EPHA10: variants seen among roughly 807,000 people sequenced by gnomAD.
EPHA10 encodes EPH receptor A10, also known as ephrin type-A receptor 10.
In EPHA10, 120 loss-of-function variants were observed where a neutral mutation model predicts 109.7. The observed-to-expected ratio is 1.09, with a 90% CI of 0.94 to 1.27. The LOEUF (loss-of-function observed/expected upper bound fraction) is 1.27, where lower values mean the gene tolerates loss of function less well. Ranked by LOEUF, EPHA10 falls within the 50% of genes most tolerant of loss-of-function variation. EPHA10 has a pLI of 0.00. For synonymous variants in EPHA10, 640 were observed against 618.9 expected, an observed-to-expected ratio of 1.03 and a Z score of -0.51; for missense variants, 1,396 against 1,411.1, an observed-to-expected ratio of 0.99 and a Z score of 0.17.
In EPHA10 at chr1:37,754,065, G is replaced by A. The variant is rs889861284; in HGVS notation, c.1006+150C>T. ...GGGCGCGTCCAGGCTCCGCTCCCCC[G>A]TACGCCGCCTTCCGGGGCGCTGGCC... On this transcript the variant is annotated intron_variant, in intron 4 of 16. Transcript: ENST00000373048. The surrounding 1 kb of genome is among the most constrained non-coding windows in gnomAD (Gnocchi z 4.5). The A allele has an allele frequency of 1.5e-4, 138 of 912,992 alleles. No homozygotes were observed. Among genetic ancestry groups the A allele is most frequent in the Non-Finnish European group, 1.9e-4 (133 of 695,304 alleles). The allele number at this position is 912,992 out of a possible 1,614,324, so 56.6% of individuals were successfully genotyped here. A position where few individuals can be genotyped will look rare whatever the true frequency, so the allele number is the denominator to read the frequency against.
intron 14 of EPHA10, 104 bp from the exon 15 acceptor site, chr1:37,719,711 C>T: frequency 7.1e-7 from 1 of 1,415,210 alleles, no homozygotes; most frequent in Non-Finnish European, 9.8e-7. Context: ...CACACACACA[C>T]ATGCGCACAC....
intron 6 of EPHA10, among the ~76,000 whole-genome samples, chr1:37,734,180 T>C (rs1214967123): frequency 1.3e-5 from 2 of 152,218 alleles, no homozygotes; most frequent in African/African-American, 4.8e-5. Flanking sequence ...TTCACTTCAG[T>C]GAATATAATT....
chr1:37,744,127 A>G (rs1194434652), intron 5 of EPHA10, among the ~76,000 whole-genome samples: 3 of 152,222 alleles, frequency 2.0e-5, no homozygotes, highest in Non-Finnish European at 4.4e-5. Context: ...AAACACAGAA[A>G]TGTTAACCTT....
chr1:37,716,290 G>C lies in EPHA10; in HGVS notation c.*2082C>G, dbSNP rs1433542901. 3.9e-6 allele frequency: 1 copy of C among 253,394 alleles called. No homozygotes were observed. The highest frequency in any genetic ancestry group is 5.6e-5 in the Admixed American group (1 of 17,972). 15.7% of individuals were successfully genotyped at this position (253,394 alleles called of 1,614,324 possible). ...CGAAGTCCTGCCAACACAGCCAGGG[G>C]CCCTTCTGCAGAAACAGCTGGGGTA... On this transcript the variant is annotated 3_prime_UTR_variant, in exon 17 of 17. Coordinates refer to ENST00000373048, the MANE Select transcript of EPHA10 (RefSeq NM_001099439.2).
chr1:37,753,855 C>A (rs34460490), intron 4 of EPHA10, among the ~76,000 whole-genome samples: 4 of 151,410 alleles, frequency 2.6e-5, no homozygotes, highest in African/African-American at 9.7e-5. Flanking sequence ...CCGAGGATGG[C>A]AGCATGGGGA....
chr1:37,715,777 C>A, downstream of EPHA10: 4 of 420,822 alleles, frequency 9.5e-6, no homozygotes, highest in South Asian at 2.0e-5. Context: ...GCACCCAGTT[C>A]CCCTCGGTAC....
intron 8 of EPHA10, among the ~76,000 whole-genome samples, chr1:37,724,026 G>T (rs573205540): frequency 6.6e-6 from 1 of 152,270 alleles, no homozygotes; most frequent in Non-Finnish European, 1.5e-5. Flanking sequence ...CCCCTGTGGG[G>T]TTGAAGCAGA....
intron 5 of EPHA10, among the ~76,000 whole-genome samples, chr1:37,743,205 G>A (rs1322183651): frequency 6.6e-6 from 1 of 152,036 alleles, no homozygotes; most frequent in Non-Finnish European, 1.5e-5. Context: ...TTCAGAATAA[G>A]AGAATAGGAA....
intron 3 of EPHA10, among the ~76,000 whole-genome samples, chr1:37,759,643 T>A (rs1646415669): frequency 6.6e-6 from 1 of 152,092 alleles, no homozygotes; most frequent in South Asian, 2.1e-4. Flanking sequence ...AAGTTCCTAA[T>A]CTAGGGTGTG....
chr1:37,763,965 GAGAAGCTT>G (rs1646454859), intron 1 of EPHA10, among the ~76,000 whole-genome samples: 1 of 152,134 alleles, frequency 6.6e-6, no homozygotes, highest in Admixed American at 6.5e-5. Context: ...CTTCCTACCA[GAGAAGCTT>G]GAAGTCCCTT....
chr1:37,721,594 C>G, intron 11 of EPHA10, 66 bp downstream of exon 11: 1 of 1,495,328 alleles, frequency 6.7e-7, no homozygotes, highest in Non-Finnish European at 9.0e-7. Context: ...CTCCAAACTC[C>G]CACACCATCA....
Position 37,752,865 on chromosome 1 carries a change from G to A in EPHA10, c.1357+11C>T, listed in dbSNP as rs547132185. The A allele has an allele frequency of 1.3e-4, 165 of 1,260,198 alleles. No homozygotes were observed. The African/African-American group carries it at 2.2e-3, about 17-fold the overall frequency. The allele number at this position is 1,260,198 out of a possible 1,614,324, so 78.1% of individuals were successfully genotyped here. Reference sequence around the variant, plus strand: ...CGGTGGCCTCGGGGTGGGGGGCGCGGACGGCCTTACCCCCGGGCCCGGTGG... The same window carrying A: ...CGGTGGCCTCGGGGTGGGGGGCGCGAACGGCCTTACCCCCGGGCCCGGTGG... On this transcript the variant is annotated intron_variant, in intron 5 of 16. Coordinates refer to ENST00000373048, the MANE Select transcript of EPHA10 (RefSeq NM_001099439.2).
chr1:37,726,978 A>C (rs980509291), intron 8 of EPHA10, 124 bp downstream of exon 8: 10 of 656,230 alleles, frequency 1.5e-5, no homozygotes, highest in Middle Eastern at 2.6e-4. Context: ...ACATTTGTAC[A>C]GCAGTGTGCT....
intron 5 of EPHA10, among the ~76,000 whole-genome samples, chr1:37,744,243 G>C (rs1183052074): frequency 6.6e-6 from 1 of 152,082 alleles, no homozygotes; most frequent in Non-Finnish European, 1.5e-5. Context: ...GCCGGGCACA[G>C]TGGTTCACTC....
Position 37,735,383 on chromosome 1 carries a change from C to A in EPHA10, c.1365G>T (p.Trp455Cys), listed in dbSNP as rs1350905397. ...VTVSTGPGAPWEEDEIRRDRV... is the reference protein window; with the variant it reads ...VTVSTGPGAPCEEDEIRRDRV... Reference sequence around the variant, plus strand: ...GGTCCCTGCGGATCTCATCCTCCTCCCAGGGCGCTGAAAGTAAGTTACGTG... The same window carrying A: ...GGTCCCTGCGGATCTCATCCTCCTCACAGGGCGCTGAAAGTAAGTTACGTG... Residue 455 changes from tryptophan (W) to cysteine (C), a missense_variant, in exon 6 of 17, where the codon TGG (tryptophan) becomes TGT (cysteine). By Grantham distance (215) the Trp-to-Cys change is radical. Coordinates refer to ENST00000373048, the MANE Select transcript of EPHA10 (RefSeq NM_001099439.2). 1.9e-6 allele frequency: 3 copies of A among 1,581,296 alleles called. No individual in the cohort carries two copies. Among genetic ancestry groups the A allele is most frequent in the Admixed American group, 1.8e-5 (1 of 54,718 alleles).
chr1:37,741,296 T>C (rs902100469), intron 5 of EPHA10, among the ~76,000 whole-genome samples: 10 of 152,158 alleles, frequency 6.6e-5, no homozygotes, highest in African/African-American at 2.4e-4. Flanking sequence ...CAGAGTAAGA[T>C]GATGATTCAA....
Position 37,718,284 on chromosome 1 carries a change from C to A in EPHA10, c.*88G>T. The A allele has an allele frequency of 8.6e-7, 1 of 1,166,654 alleles. No individual in the cohort carries two copies. Among genetic ancestry groups the A allele is most frequent in the Non-Finnish European group, 1.2e-6 (1 of 810,894 alleles). 72.3% of individuals were successfully genotyped at this position (1,166,654 alleles called of 1,614,324 possible). On this transcript the variant is annotated 3_prime_UTR_variant, in exon 17 of 17. Coordinates refer to ENST00000373048, the MANE Select transcript of EPHA10 (RefSeq NM_001099439.2). ...GAGGAAGAGAGCGCTCCCTCCCACA[C>A]TGCTGGAGCGCAGCTTGCCACGGTC...
chr1:37,719,522 C>A lies in EPHA10; in HGVS notation c.2648G>T (p.Trp883Leu), dbSNP rs767237675. ...NLLHRLMLDC[W>L]QKDPGERPRF... ...GGGCCGCTCACCTGGGTCCTTCTGCCAGCAGTCGAGCATTAGTCGGTGCAG... is the reference window on the plus strand; with the variant it reads ...GGGCCGCTCACCTGGGTCCTTCTGCAAGCAGTCGAGCATTAGTCGGTGCAG... The change falls in exon 15 of 17, where the codon TGG (tryptophan) becomes TTG (leucine). Residue 883 changes from tryptophan (W) to leucine (L), a missense_variant. Trp to Leu is a moderately conservative substitution (Grantham distance 61). Coordinates refer to ENST00000373048, the MANE Select transcript of EPHA10 (RefSeq NM_001099439.2). The A allele has an allele frequency of 4.3e-6, 7 of 1,614,012 alleles. No homozygotes were observed. Among genetic ancestry groups the A allele is most frequent in the Non-Finnish European group, 5.9e-6 (7 of 1,180,010 alleles).
At chr1:37,762,970 T>C in intron 1 of EPHA10, 121 bp from the exon 2 acceptor site, 1 of 935,644 alleles carries the variant, frequency 1.1e-6, no homozygotes, top group Non-Finnish European at 1.6e-6. Context: ...ACAAATGATA[T>C]GGGCAAGTTT....
Sources: allele counts gnomAD v4.1 joint callset (sites outside exome capture counted in the v4.1 genomes callset), GRCh38; gene constraint gnomAD v4.1.1; non-coding constraint Gnocchi (gnomAD v3.1); transcripts MANE v1.5; gene names NCBI Gene and HGNC (gene_info 2026-07-23, HGNC 2026-07-21).